NUP205: variants seen among roughly 807,000 people sequenced by gnomAD.
NUP205 encodes nucleoporin 205.
A neutral mutation model predicts 253.8 loss-of-function variants in NUP205; 76 were observed. The observed-to-expected ratio is 0.30, with a 90% confidence interval of 0.25 to 0.36. NUP205 has a LOEUF of 0.36. NUP205 is among the 10% of genes least tolerant of loss of function. NUP205 has a pLI of 1.00. For synonymous variants in NUP205, 832 were observed against 850.1 expected (o/e 0.98, Z 0.37); for missense variants, 2,162 against 2,425.5 (o/e 0.89, Z 2.28).
intron 1 of NUP205, among the ~76,000 whole-genome samples, chr7:135,562,938 T>C (rs1372217905): frequency 6.6e-6 from 1 of 152,178 alleles, no homozygotes; most frequent in African/African-American, 2.4e-5. Flanking sequence ...TTGAGTTCTT[T>C]GACATGCCGC....
Position 135,604,388 on chromosome 7 carries a change from C to T in NUP205, c.2751C>T (p.Ala917=). The T allele has an allele frequency of 1.2e-6, 2 of 1,612,750 alleles. No individual in the cohort carries two copies. Among genetic ancestry groups the T allele is most frequent in the Non-Finnish European group, 1.7e-6 (2 of 1,179,096 alleles). ...NTNPELAFES[A]KILCCISCNS... ...ATCCAGAATTGGCTTTTGAAAGTGC[C>T]AAGATCCTCTGTTGTATCTCTTGCA... The change falls in exon 19 of 43, where the codon GCC becomes GCT. Residue 917 remains alanine (A), a synonymous_variant. Coordinates refer to ENST00000285968, the MANE Select transcript of NUP205 (RefSeq NM_015135.3).
intron 10 of NUP205, among the ~76,000 whole-genome samples, chr7:135,591,159 A>G (rs1438062930): frequency 1.3e-5 from 2 of 152,024 alleles, no homozygotes; most frequent in Admixed American, 1.3e-4. Flanking sequence ...TTGGATGAGT[A>G]AATGTCACAT....
At position 135,644,985 on chromosome 7, in the gene NUP205, A is replaced by C; in HGVS notation, c.5650A>C (p.Asn1884His). The change falls in exon 40 of 43, where the codon AAC becomes CAC. Residue 1884 changes from asparagine (N) to histidine (H), a missense_variant. Physicochemically the swap from Asn to His is moderately conservative, Grantham distance 68 (BLOSUM62 1). Coordinates refer to ENST00000285968, the MANE Select transcript of NUP205 (RefSeq NM_015135.3). ...LARRRLVKVI[N>H]NRAKLLSLCS... ...AAGACGGCGCTTGGTGAAGGTGATC[A>C]ACAATCGAGCTAAACTGCTTTCCCT... 6.2e-7 allele frequency: 1 copy of C among 1,614,182 alleles called. No homozygotes were observed. Among genetic ancestry groups the C allele is most frequent in the South Asian group, 1.1e-5 (1 of 91,078 alleles).
intron 22 of NUP205, among the ~76,000 whole-genome samples, chr7:135,612,332 T>G (rs1234587256): frequency 1.3e-5 from 2 of 152,212 alleles, no homozygotes; most frequent in Non-Finnish European, 2.9e-5. Context: ...GTTTTATGTG[T>G]GTTTCTGTTT....
rs748239656 is a variant in NUP205 at position 135,592,976 on chromosome 7, T to A, written c.1625-11T>A. 6.3e-7 allele frequency: 1 copy of A among 1,590,918 alleles called. No individual in the cohort carries two copies. Among genetic ancestry groups the A allele is most frequent in the East Asian group, 2.2e-5 (1 of 44,772 alleles). On this transcript the variant is annotated splice_polypyrimidine_tract_variant and intron_variant, in intron 11 of 42. Transcript: ENST00000285968. ...TTTTTAAATAAAATTCTGTGCTGTT[T>A]TTCTTTATAGTTGAAAATATTCAGG...
chr7:135,606,844 C>T lies in NUP205; in HGVS notation c.2999C>T (p.Pro1000Leu). The change falls in exon 21 of 43, where the codon CCC (proline) becomes CTC (leucine). Residue 1000 changes from proline to leucine, a missense_variant. Coordinates refer to ENST00000285968, the MANE Select transcript of NUP205 (RefSeq NM_015135.3). The part of the protein sequence containing the change: ...LLITSLECNP[P>L]NLALYLLGFE... ...ATTACCTCTCTGGAATGCAATCCACCCAATCTTGCTCTCTACCTGTTGGGC... is the reference window on the plus strand; with the variant it reads ...ATTACCTCTCTGGAATGCAATCCACTCAATCTTGCTCTCTACCTGTTGGGC... 1 of 1,613,844 alleles carries T rather than the reference C, an allele frequency of 6.2e-7. No individual in the cohort carries two copies. Among genetic ancestry groups the T allele is most frequent in the Non-Finnish European group, 8.5e-7 (1 of 1,179,790 alleles).
At chr7:135,631,388 G>C (rs1794711075) in intron 35 of NUP205, among the ~76,000 whole-genome samples, 1 of 152,096 alleles carries the variant, frequency 6.6e-6, no homozygotes, top group Non-Finnish European at 1.5e-5. Flanking sequence ...AGATCACTGC[G>C]AGTAAGGAAA....
intron 1 of NUP205, among the ~76,000 whole-genome samples, chr7:135,564,094 T>TTC (rs1805673907): frequency 6.6e-6 from 1 of 151,844 alleles, no homozygotes; most frequent in South Asian, 2.1e-4. Flanking sequence ...CTTTTTCTTC[T>TTC]TTGAGACGAG....
intron 7 of NUP205, among the ~76,000 whole-genome samples, chr7:135,583,401 G>C (rs537859204): frequency 2.0e-5 from 3 of 152,214 alleles, no homozygotes; most frequent in African/African-American, 7.2e-5. Context: ...ATAGAAAGTT[G>C]AATGTAAGTC....
intron 7 of NUP205, among the ~76,000 whole-genome samples, chr7:135,579,136 T>G (rs920502778): frequency 6.6e-6 from 1 of 152,228 alleles, no homozygotes; most frequent in African/African-American, 2.4e-5. Flanking sequence ...TTGGAGCCAC[T>G]GACAATGCTC....
At chr7:135,635,489 TAAAC>T (rs1794789746) in intron 35 of NUP205, 88 bp from the exon 36 acceptor site, 6 of 737,256 alleles carry the variant, frequency 8.1e-6, no homozygotes, top group African/African-American at 5.4e-5. Context: ...TTCATGCACA[TAAAC>T]AATATAAAAT....
At chr7:135,621,163 T>C (rs1173097772) in intron 30 of NUP205, among the ~76,000 whole-genome samples, 1 of 152,234 alleles carries the variant, frequency 6.6e-6, no homozygotes, top group Non-Finnish European at 1.5e-5. Context: ...CTTATGGTGG[T>C]TGTATTTTAT....
Position 135,616,001 on chromosome 7 carries a change from G to A in NUP205, c.3396G>A (p.Gln1132=), listed in dbSNP as rs1200218428. 1.9e-6 allele frequency: 3 copies of A among 1,613,802 alleles called. No individual in the cohort carries two copies. The highest frequency in any genetic ancestry group is 2.5e-6 in the Non-Finnish European group (3 of 1,179,840). ...TAAGGGTAACCTCTCTGAATCGTCA[G>A]CGGTCACATACCCAGAGGCTCCTAC... ...IELRVTSLNR[Q]RSHTQRLLHL... is the part of the protein sequence containing the mutation. The change falls in exon 24 of 43, where the codon CAG becomes CAA. Residue 1132 remains glutamine (Q), a synonymous_variant. Transcript: ENST00000285968.
intron 35 of NUP205, among the ~76,000 whole-genome samples, chr7:135,631,736 TTTTCTTTCTTTC>T (rs1554467211): frequency 6.8e-6 from 1 of 147,586 alleles, no homozygotes; most frequent in Non-Finnish European, 1.5e-5. Context: ...GTATTTTTTT[TTTTCTTTCTTTC>T]TTTCTTTCTT....
In NUP205 at chr7:135,576,881, C is replaced by CA. The variant is rs527799346; in HGVS notation, c.489-81dup. ...TGGGTGACAGAGCAAGGCCCTGTCTCAAAAAAAGAGCGTTTGCTATACCTA... is the reference window on the plus strand; with the variant it reads ...TGGGTGACAGAGCAAGGCCCTGTCTCAAAAAAAAGAGCGTTTGCTATACCTA... On this transcript the variant is annotated intron_variant, in intron 4 of 42. Coordinates refer to ENST00000285968, the MANE Select transcript of NUP205 (RefSeq NM_015135.3). 2.1e-4 allele frequency: 281 copies of CA among 1,311,634 alleles called. No homozygotes were observed. In the African/African-American group the frequency reaches 3.9e-3, roughly 18 times the overall value. The allele number at this position is 1,311,634 out of a possible 1,614,324, so 81.2% of individuals were successfully genotyped here. A position where few individuals can be genotyped will look rare whatever the true frequency, so the allele number is the denominator to read the frequency against.
rs1399715688 is a variant in NUP205 at position 135,618,574 on chromosome 7, C to T, written c.3934C>T (p.Arg1312Cys). 1.2e-5 allele frequency: 19 copies of T among 1,607,270 alleles called. No individual in the cohort carries two copies. The highest frequency in any genetic ancestry group is 1.6e-5 in the Non-Finnish European group (19 of 1,176,544). ...GGCAGAGGATCGACAACTGATTATT[C>T]GTGATATTTTACAAGATGTGCATGA... ...IQAEDRQLII[R>C]DILQDVHDKI... is the part of the protein sequence containing the mutation. The change falls in exon 28 of 43, where the codon CGT becomes TGT. Residue 1312 changes from arginine to cysteine, a missense_variant. Transcript: ENST00000285968.
At chr7:135,598,935 G>A (rs1185657765) in intron 15 of NUP205, 1 of 152,030 alleles carries the variant, frequency 6.6e-6, no homozygotes, top group Non-Finnish European at 1.5e-5. Flanking sequence ...ATTCACGTTA[G>A]TCTATAATAC....
At position 135,627,963 on chromosome 7, in the gene NUP205, T is replaced by C; in HGVS notation, c.4794-10T>C. On this transcript the variant is annotated splice_polypyrimidine_tract_variant and intron_variant, in intron 33 of 42. Transcript: ENST00000285968. ...CTTGGAATGTTTTCTCCTTGTTTGG[T>C]TGAAATAAGCATGTTTGGCATGAGA... The C allele has an allele frequency of 6.2e-7, 1 of 1,612,408 alleles. No individual in the cohort carries two copies. The highest frequency in any genetic ancestry group is 1.3e-5 in the African/African-American group (1 of 74,670).
Position 135,590,097 on chromosome 7 carries a change from A to AT in NUP205, c.1474-1351dup, listed in dbSNP as rs777160800. ...TGATGTTTGCTTCATCTACTATATT[A>AT]TTATTTTATTTATTTATTTATTTAT... is the stretch of plus-strand genomic sequence containing the variant. On this transcript the variant is annotated intron_variant, in intron 10 of 42. Coordinates refer to ENST00000285968, the MANE Select transcript of NUP205 (RefSeq NM_015135.3). Among the ~76,000 whole-genome samples, 136 of 148,044 alleles carry AT rather than the reference A, an allele frequency of 9.2e-4. 6 individuals carry two copies. The highest frequency in any genetic ancestry group is 1.7e-3 in the Non-Finnish European group (113 of 66,096).
Sources: allele counts gnomAD v4.1 joint callset (sites outside exome capture counted in the v4.1 genomes callset), GRCh38; gene constraint gnomAD v4.1.1; transcripts MANE v1.5; gene names NCBI Gene and HGNC (gene_info 2026-07-23, HGNC 2026-07-21).